The following CNTN6 variants were observed in gnomAD, a reference collection of about 807,000 sequenced individuals.
CNTN6 encodes the protein contactin-6.
A neutral mutation model predicts 122.8 loss-of-function variants in CNTN6; 137 were observed. That is an observed-to-expected ratio of 1.12 (90% CI 0.97 to 1.29). CNTN6 has a LOEUF of 1.29. Ranked by LOEUF, CNTN6 falls within the 50% of genes most tolerant of loss-of-function variation. The probability of loss-of-function intolerance (pLI) is 0.00; values close to 1 mark genes in which losing one functional copy is unlikely to be tolerated. For synonymous variants in CNTN6, 570 were observed against 426.0 expected, an observed-to-expected ratio of 1.34 and a Z score of -4.16; for missense variants, 1,634 against 1,223.4, an observed-to-expected ratio of 1.34 and a Z score of -5.01.
intron 20 of CNTN6, among the ~76,000 whole-genome samples, chr3:1,386,848 GAGATGGTTAAGA>G (rs768909514): frequency 8.5e-5 from 13 of 152,062 alleles, no homozygotes; most frequent in Non-Finnish European, 1.5e-4. Flanking sequence ...TTGGAAAGAA[GAGATGGTTAAGA>G]AGAGTTTGAA....
intron 1 of CNTN6, among the ~76,000 whole-genome samples, chr3:1,117,427 T>A (rs980462974): frequency 6.6e-6 from 1 of 152,128 alleles, no homozygotes; most frequent in Non-Finnish European, 1.5e-5. Context: ...TGTGTTATAG[T>A]GGTTATGGGT....
chr3:1,370,533 C>T (rs1708862861), intron 12 of CNTN6, among the ~76,000 whole-genome samples: 1 of 151,998 alleles, frequency 6.6e-6, no homozygotes, highest in South Asian at 2.1e-4. Context: ...TTAAATTTCT[C>T]CTTAGACAAA....
intron 1 of CNTN6, among the ~76,000 whole-genome samples, chr3:1,109,315 T>G (rs1342851831): frequency 6.6e-6 from 1 of 152,104 alleles, no homozygotes; most frequent in Admixed American, 6.6e-5. Flanking sequence ...ATGTACCTTT[T>G]TGGAGATGCA....
intron 1 of CNTN6, among the ~76,000 whole-genome samples, chr3:1,130,177 G>T (rs2092298591): frequency 6.6e-6 from 1 of 151,980 alleles, no homozygotes; most frequent in Non-Finnish European, 1.5e-5. Flanking sequence ...CTTTACACAG[G>T]ACATTGACTT....
At chr3:1,175,922 G>A (rs2093440493) in intron 2 of CNTN6, among the ~76,000 whole-genome samples, 1 of 152,134 alleles carries the variant, frequency 6.6e-6, no homozygotes, top group Non-Finnish European at 1.5e-5. Context: ...AGGACTCTTA[G>A]GTGTCTAACC....
At chr3:1,271,062 G>C (rs1019146021) in intron 4 of CNTN6, among the ~76,000 whole-genome samples, 9 of 152,224 alleles carry the variant, frequency 5.9e-5, no homozygotes, top group African/African-American at 2.2e-4. Flanking sequence ...ATTTTTAGTA[G>C]AGACAGGGTT....
At chr3:1,359,896 C>G (rs971994344) in intron 12 of CNTN6, among the ~76,000 whole-genome samples, 13 of 151,904 alleles carry the variant, frequency 8.6e-5, no homozygotes, top group African/African-American at 2.9e-4. Flanking sequence ...TTCTTTTGTT[C>G]GTTTGCTTAG....
chr3:1,162,424 C>T (rs938187829), intron 2 of CNTN6, among the ~76,000 whole-genome samples: 7 of 152,148 alleles, frequency 4.6e-5, no homozygotes, highest in Non-Finnish European at 8.8e-5. Context: ...CCTTCTTCTT[C>T]GTAAAAGTCT....
chr3:1,275,190 T>C (rs1019214404), intron 4 of CNTN6, among the ~76,000 whole-genome samples: 2 of 152,198 alleles, frequency 1.3e-5, no homozygotes, highest in Non-Finnish European at 2.9e-5. Flanking sequence ...CTTTCCTTAC[T>C]TGATCATTGA....
At chr3:1,187,461 G>T (rs903214388) in intron 2 of CNTN6, among the ~76,000 whole-genome samples, 2 of 152,040 alleles carry the variant, frequency 1.3e-5, no homozygotes, top group Non-Finnish European at 2.9e-5. Context: ...TAGGCCCATG[G>T]TGTCAGGCTA....
intron 4 of CNTN6, among the ~76,000 whole-genome samples, chr3:1,249,572 G>C (rs547861848): frequency 6.6e-6 from 1 of 152,190 alleles, no homozygotes; most frequent in East Asian, 1.9e-4. Context: ...AAATAAGGAA[G>C]AGTCTCCATC....
rs375932095 is a variant in CNTN6 at position 1,327,223 on chromosome 3, AT to A, written c.1084-233del. ...AGTTAACATACATTTTGTGCAAAGT[AT>A]GTCAATTGTCAAAGAAATGAGATAA... On this transcript the variant is annotated intron_variant, in intron 9 of 22. Coordinates refer to ENST00000446702, the MANE Select transcript of CNTN6 (RefSeq NM_001289080.2). 2.6e-4 allele frequency among the ~76,000 whole-genome samples: 39 copies of A among 152,036 alleles called. No individual in the cohort carries two copies. In the South Asian group the frequency reaches 7.9e-3, roughly 31 times the overall value.
At chr3:1,255,279 G>A (rs573734638) in intron 4 of CNTN6, among the ~76,000 whole-genome samples, 1 of 152,144 alleles carries the variant, frequency 6.6e-6, no homozygotes, top group Non-Finnish European at 1.5e-5. Context: ...TAGGGTACAG[G>A]AAGGTGAAAA....
At chr3:1,345,078 G>T (rs1704466759) in intron 11 of CNTN6, among the ~76,000 whole-genome samples, 2 of 150,952 alleles carry the variant, frequency 1.3e-5, no homozygotes, top group East Asian at 3.9e-4. Context: ...CTGGACAGGG[G>T]TATCAGATGT....
intron 2 of CNTN6, among the ~76,000 whole-genome samples, chr3:1,200,647 G>A (rs918954404): frequency 2.6e-5 from 4 of 152,126 alleles, no homozygotes; most frequent in African/African-American, 9.7e-5. Context: ...ATGCATATGT[G>A]TATACAGAAT....
At chr3:1,122,471 C>A (rs1274090084) in intron 1 of CNTN6, among the ~76,000 whole-genome samples, 1 of 149,556 alleles carries the variant, frequency 6.7e-6, no homozygotes, top group Non-Finnish European at 1.5e-5. Context: ...TAAAAGTAAC[C>A]GTTGTAAAGT....
intron 2 of CNTN6, among the ~76,000 whole-genome samples, chr3:1,178,080 T>C (rs971680480): frequency 2.6e-5 from 4 of 151,996 alleles, no homozygotes; most frequent in Non-Finnish European, 5.9e-5. Context: ...TTTGTATTTT[T>C]AGTAGAGGCA....
chr3:1,266,975 G>GAGAC (rs2094936278), intron 4 of CNTN6, among the ~76,000 whole-genome samples: 1 of 93,354 alleles, frequency 1.1e-5, no homozygotes, highest in Admixed American at 1.3e-4. Context: ...TTTTTTTTTG[G>GAGAC]AGACAGAGTC....
chr3:1,274,375 C>A (rs996168830), intron 4 of CNTN6, among the ~76,000 whole-genome samples: 5 of 152,142 alleles, frequency 3.3e-5, no homozygotes, highest in Non-Finnish European at 7.3e-5. Flanking sequence ...ACATGGTAGG[C>A]ATGCCAGGTC....
Sources: gnomAD v4.1 joint callset for allele counts (sites outside exome capture counted in the v4.1 genomes callset) on GRCh38, gnomAD v4.1.1 for gene constraint, MANE v1.5 for transcripts, NCBI Gene and HGNC (gene_info 2026-07-23, HGNC 2026-07-21) for gene names.